The following TRIM44 variants were observed in gnomAD, a reference collection of about 807,000 sequenced individuals.
TRIM44 encodes the protein tripartite motif containing 44.
TRIM44 carries 13 observed loss-of-function variants against 37.4 expected under a neutral mutation model. That is an observed-to-expected ratio of 0.35 (90% CI 0.23 to 0.55). The LOEUF (loss-of-function observed/expected upper bound fraction) is 0.55. Among genes scored for constraint, TRIM44 ranks in the 20% least tolerant of loss-of-function variants. TRIM44 has a pLI of 0.89. For missense variants in TRIM44, 426 were observed against 437.2 expected, an observed-to-expected ratio of 0.97 and a Z score of 0.23; for synonymous variants, 175 against 157.2, an observed-to-expected ratio of 1.11 and a Z score of -0.85.
At chr11:35,799,651 T>A (rs1853339976) in intron 4 of TRIM44, among the ~76,000 whole-genome samples, 1 of 152,202 alleles carries the variant, frequency 6.6e-6, no homozygotes, top group African/African-American at 2.4e-5. Context: ...AGTTCTATTA[T>A]TTACAAGTCG....
At position 35,736,121 on chromosome 11, in the gene TRIM44, G is replaced by A. The variant is rs11033261; in HGVS notation, c.1007+676G>A. On this transcript the variant is annotated intron_variant, in intron 4 of 4. Coordinates refer to ENST00000299413, the MANE Select transcript of TRIM44 (RefSeq NM_017583.6). ...TCATCAACACAATTGAGGAATATTT[G>A]TACAAAGTAAAAGGCAATGTCCAGA... is the stretch of plus-strand genomic sequence containing the variant. Among the ~76,000 whole-genome samples, 2,072 of 152,200 alleles carry A rather than the reference G, an allele frequency of 0.014. 116 individuals are homozygous for A. The East Asian group carries it at 0.14, about 10-fold the overall frequency.
chr11:35,777,946 T>C (rs1852996286), intron 4 of TRIM44, among the ~76,000 whole-genome samples: 1 of 152,198 alleles, frequency 6.6e-6, no homozygotes, highest in African/African-American at 2.4e-5. Flanking sequence ...GGAGTTGCTG[T>C]TCTCAAGGAG....
At chr11:35,734,630 AG>A (rs1670019156) in intron 3 of TRIM44, among the ~76,000 whole-genome samples, 2 of 152,210 alleles carry the variant, frequency 1.3e-5, no homozygotes, top group South Asian at 4.1e-4. Context: ...CCCTTGGGAA[AG>A]GCTTGAGAGT....
intron 2 of TRIM44, among the ~76,000 whole-genome samples, chr11:35,711,508 C>T (rs1016678270): frequency 1.1e-4 from 16 of 149,138 alleles, no homozygotes; most frequent in African/African-American, 4.0e-4. Flanking sequence ...AATAATAGTA[C>T]ATATTTCATA....
chr11:35,668,961 A>G (rs1851362149), intron 1 of TRIM44, among the ~76,000 whole-genome samples: 1 of 152,072 alleles, frequency 6.6e-6, no homozygotes, highest in Non-Finnish European at 1.5e-5. Flanking sequence ...CTATTCCTTT[A>G]AGAACTGTAG....
At chr11:35,774,041 C>T (rs979335431) in intron 4 of TRIM44, among the ~76,000 whole-genome samples, 4 of 152,198 alleles carry the variant, frequency 2.6e-5, no homozygotes, top group African/African-American at 2.4e-5. Context: ...CTTGAGGAAT[C>T]GCCAAACTGT....
intron 2 of TRIM44, among the ~76,000 whole-genome samples, chr11:35,709,690 C>G (rs562492683): frequency 6.6e-6 from 1 of 152,234 alleles, no homozygotes; most frequent in African/African-American, 2.4e-5. Flanking sequence ...CAAGAGACAA[C>G]TTACACTCCC....
At chr11:35,687,141 C>T (rs772687124) in intron 2 of TRIM44, among the ~76,000 whole-genome samples, 2 of 152,188 alleles carry the variant, frequency 1.3e-5, no homozygotes, top group Non-Finnish European at 2.9e-5. Context: ...TCATGCAAAC[C>T]AAGCACTGGA....
At chr11:35,669,561 C>T (rs1362344721) in intron 1 of TRIM44, among the ~76,000 whole-genome samples, 1 of 152,018 alleles carries the variant, frequency 6.6e-6, no homozygotes, top group Non-Finnish European at 1.5e-5. Flanking sequence ...CTGCAACCTC[C>T]ACCTCCCAGA....
Position 35,688,650 on chromosome 11 carries a change from A to T in TRIM44, c.747+3314A>T, listed in dbSNP as rs187889395. ...TCTGTTTAATGAGATGCCTCATTTT[A>T]TTCAAAACATTTGTCAGACATCTTC... On this transcript the variant is annotated intron_variant, in intron 2 of 4. Coordinates refer to ENST00000299413, the MANE Select transcript of TRIM44 (RefSeq NM_017583.6). 2.3e-3 allele frequency among the ~76,000 whole-genome samples: 351 copies of T among 152,322 alleles called. 6 individuals are homozygous for T. The highest frequency in any genetic ancestry group is 3.4e-3 in the Middle Eastern group (1 of 294).
intron 4 of TRIM44, among the ~76,000 whole-genome samples, chr11:35,792,453 A>T (rs1305288524): frequency 6.6e-6 from 1 of 152,208 alleles, no homozygotes; most frequent in Admixed American, 6.5e-5. Flanking sequence ...AAAGTGGATG[A>T]TCCTAACATA....
intron 2 of TRIM44, among the ~76,000 whole-genome samples, chr11:35,689,364 G>C (rs985876673): frequency 2.6e-5 from 4 of 152,192 alleles, no homozygotes; most frequent in Non-Finnish European, 4.4e-5. Flanking sequence ...GTTTTAAAGG[G>C]TACATACCTC....
rs1257672494 is a variant in TRIM44 at position 35,813,055 on chromosome 11, G to A, written c.*6670G>A. ...TCTCCAACAGCTTGACGTCAGGCCAGCTTCATATTCTTGGAAAGGGACAAC... is the reference window on the plus strand; with the variant it reads ...TCTCCAACAGCTTGACGTCAGGCCAACTTCATATTCTTGGAAAGGGACAAC... On this transcript the variant is annotated 3_prime_UTR_variant, in exon 5 of 5. Transcript: ENST00000299413. The A allele has an allele frequency of 6.6e-6, 1 of 152,188 alleles. No homozygotes were observed. Among genetic ancestry groups the A allele is most frequent in the African/African-American group, 2.4e-5 (1 of 41,448 alleles). 9.4% of individuals were successfully genotyped at this position (152,188 alleles called of 1,614,324 possible).
At position 35,811,737 on chromosome 11, in the gene TRIM44, G is replaced by A. The variant is rs1258596310; in HGVS notation, c.*5352G>A. On this transcript the variant is annotated 3_prime_UTR_variant, in exon 5 of 5. Coordinates refer to ENST00000299413, the MANE Select transcript of TRIM44 (RefSeq NM_017583.6). Reference sequence around the variant, plus strand: ...TAAAAATCCTAAAACCCACCAGCAGGTGTATCTGGAGGGACAGTTTGTGGA... The same window carrying A: ...TAAAAATCCTAAAACCCACCAGCAGATGTATCTGGAGGGACAGTTTGTGGA... 2 of 152,168 alleles carry A rather than the reference G, an allele frequency of 1.3e-5. No homozygotes were observed. Among genetic ancestry groups the A allele is most frequent in the African/African-American group, 2.4e-5 (1 of 41,444 alleles). The allele number at this position is 152,168 out of a possible 1,614,324, so 9.4% of individuals were successfully genotyped here. A position where few individuals can be genotyped will look rare whatever the true frequency, so the allele number is the denominator to read the frequency against.
chr11:35,720,818 T>C (rs1852097860), intron 2 of TRIM44, among the ~76,000 whole-genome samples: 1 of 152,136 alleles, frequency 6.6e-6, no homozygotes, highest in Admixed American at 6.6e-5. Flanking sequence ...AGCCTGTTGA[T>C]GTAGATAAAT....
intron 4 of TRIM44, among the ~76,000 whole-genome samples, chr11:35,751,445 G>A (rs1419406851): frequency 6.6e-6 from 1 of 152,148 alleles, no homozygotes; most frequent in Non-Finnish European, 1.5e-5. Flanking sequence ...TTATACACTA[G>A]GATCACAGTA....
At chr11:35,776,115 G>A (rs1852957130) in intron 4 of TRIM44, among the ~76,000 whole-genome samples, 2 of 152,064 alleles carry the variant, frequency 1.3e-5, no homozygotes, top group Admixed American at 6.5e-5. Context: ...TTTTTTGGTT[G>A]GTAGGCTCTT....
chr11:35,689,554 T>C (rs754988883), intron 2 of TRIM44, among the ~76,000 whole-genome samples: 4 of 152,222 alleles, frequency 2.6e-5, no homozygotes, highest in Non-Finnish European at 4.4e-5. Context: ...AAACACCTAT[T>C]GCACAAGCAG....
At chr11:35,787,723 C>T (rs1391760471) in intron 4 of TRIM44, among the ~76,000 whole-genome samples, 1 of 152,190 alleles carries the variant, frequency 6.6e-6, no homozygotes, top group African/African-American at 2.4e-5. Context: ...GTTAGTATCA[C>T]AAGAGACACC....
Sources: allele counts gnomAD v4.1 joint callset (sites outside exome capture counted in the v4.1 genomes callset), GRCh38; gene constraint gnomAD v4.1.1; transcripts MANE v1.5; gene names NCBI Gene and HGNC (gene_info 2026-07-23, HGNC 2026-07-21).